OSBPL10: variants seen among roughly 807,000 people sequenced by gnomAD.
OSBPL10 encodes oxysterol binding protein like 10.
Under a neutral mutation model 81.7 loss-of-function variants are expected in OSBPL10, and 49 were observed. The observed-to-expected ratio is 0.60, with a 90% CI of 0.48 to 0.76. The LOEUF is 0.76. OSBPL10 is among the 30% of genes least tolerant of loss of function. The probability of loss-of-function intolerance (pLI) is 0.00; values close to 1 mark genes in which losing one functional copy is unlikely to be tolerated. For synonymous variants in OSBPL10, 419 were observed against 383.6 expected (o/e 1.09, Z -1.08); for missense variants, 923 against 987.8 (o/e 0.93, Z 0.88).
chr3:31,828,873 G>C (rs1296048037), intron 4 of OSBPL10, among the ~76,000 whole-genome samples: 1 of 152,114 alleles, frequency 6.6e-6, no homozygotes, highest in Non-Finnish European at 1.5e-5. Flanking sequence ...CTATTTCAAA[G>C]TAAGCATTCT....
chr3:31,946,118 T>C (rs915057085), intron 1 of OSBPL10, among the ~76,000 whole-genome samples: 19 of 152,134 alleles, frequency 1.2e-4, no homozygotes, highest in African/African-American at 4.6e-4. Context: ...GTAGCTGGGA[T>C]TACAGGCACG....
chr3:31,849,663 T>G (rs1038517345), intron 3 of OSBPL10, among the ~76,000 whole-genome samples: 1 of 152,146 alleles, frequency 6.6e-6, no homozygotes, highest in African/African-American at 2.4e-5. Context: ...TTATGACATA[T>G]GCATTCCACT....
intron 1 of OSBPL10, among the ~76,000 whole-genome samples, chr3:31,925,565 T>C (rs571457694): frequency 2.6e-5 from 4 of 152,022 alleles, no homozygotes; most frequent in South Asian, 2.1e-4. Context: ...GTAATCCCAG[T>C]ACTTTGGGAG....
chr3:32,024,720 T>A (rs970863031), intron 2 of OSBPL10, among the ~76,000 whole-genome samples: 3 of 152,072 alleles, frequency 2.0e-5, no homozygotes, highest in Non-Finnish European at 4.4e-5. Context: ...CCTGACCACC[T>A]GCCTCGGCCT....
intron 3 of OSBPL10, among the ~76,000 whole-genome samples, chr3:31,844,323 G>C (rs1187857544): frequency 6.6e-6 from 1 of 152,078 alleles, no homozygotes; most frequent in Non-Finnish European, 1.5e-5. Context: ...TTATACAAAA[G>C]AATTAAAAAC....
At chr3:31,784,388 A>T (rs1698805193) in intron 4 of OSBPL10, among the ~76,000 whole-genome samples, 1 of 151,720 alleles carries the variant, frequency 6.6e-6, no homozygotes, top group Non-Finnish European at 1.5e-5. Context: ...AGGGAAAAGG[A>T]AAAGGAAAGG....
At chr3:32,008,598 A>G (rs1399793408) in intron 2 of OSBPL10, among the ~76,000 whole-genome samples, 1 of 151,808 alleles carries the variant, frequency 6.6e-6, no homozygotes, top group South Asian at 2.1e-4. Context: ...AAACCCACAA[A>G]AGCTAGCAGA....
At chr3:31,846,767 C>T (rs1474474337) in intron 3 of OSBPL10, among the ~76,000 whole-genome samples, 3 of 127,262 alleles carry the variant, frequency 2.4e-5, no homozygotes, top group Admixed American at 9.3e-5. Context: ...ATCCCAAATG[C>T]CCCTCTCTTT....
rs115591752 is a variant in OSBPL10 at position 32,039,970 on chromosome 3, A to G, written n.298+6521T>C. On this transcript the variant is annotated intron_variant and non_coding_transcript_variant, in intron 2 of 3. Transcript: ENST00000479173. ...AATTCAACAGTACGGTAAAAGAACA[A>G]TGAATCTTGACCAAGGAAGGACATG... is the stretch of plus-strand genomic sequence containing the variant. Among the ~76,000 whole-genome samples the G allele has an allele frequency of 2.8e-3, 422 of 152,320 alleles. 3 individuals are homozygous for G. Among genetic ancestry groups the G allele is most frequent in the African/African-American group, 9.4e-3 (392 of 41,572 alleles).
chr3:31,961,379 G>C (rs1052440666), intron 1 of OSBPL10, among the ~76,000 whole-genome samples: 2 of 152,104 alleles, frequency 1.3e-5, no homozygotes, highest in Non-Finnish European at 2.9e-5. Flanking sequence ...TAGCGTCTCT[G>C]ATTTTATTTT....
intron 5 of OSBPL10, among the ~76,000 whole-genome samples, chr3:31,743,767 C>T (rs547913896): frequency 6.6e-6 from 1 of 152,300 alleles, no homozygotes; most frequent in Non-Finnish European, 1.5e-5. Context: ...TCCTGCCCAT[C>T]GAACACTGAA....
intron 6 of OSBPL10, among the ~76,000 whole-genome samples, chr3:31,711,698 G>A (rs1051131190): frequency 6.6e-6 from 1 of 152,174 alleles, no homozygotes. Context: ...CTGCGAGGAT[G>A]GGTGGAATGG....
intron 1 of OSBPL10, among the ~76,000 whole-genome samples, chr3:31,882,315 T>G (rs963386397): frequency 3.9e-5 from 6 of 152,202 alleles, no homozygotes; most frequent in Non-Finnish European, 8.8e-5. Flanking sequence ...TAACGGTATT[T>G]CTGGTTCTCA....
At chr3:31,768,552 C>CG (rs1698268602) in intron 4 of OSBPL10, among the ~76,000 whole-genome samples, 1 of 48,678 alleles carries the variant, frequency 2.1e-5, no homozygotes, top group Non-Finnish European at 3.7e-5. Flanking sequence ...AAAATAAACA[C>CG]ATGTAATTCT....
At chr3:32,026,942 T>C (rs1699421118) in intron 2 of OSBPL10, among the ~76,000 whole-genome samples, 1 of 152,216 alleles carries the variant, frequency 6.6e-6, no homozygotes, top group Non-Finnish European at 1.5e-5. Context: ...CTGTTCTCAC[T>C]CAGAGAGGAC....
chr3:31,863,124 C>A (rs1216646285), intron 3 of OSBPL10, among the ~76,000 whole-genome samples: 1 of 151,960 alleles, frequency 6.6e-6, no homozygotes, highest in South Asian at 2.1e-4. Context: ...CATGGATGAA[C>A]CTTGAAAACA....
chr3:31,934,076 TA>T (rs35397219), intron 1 of OSBPL10, among the ~76,000 whole-genome samples: 29,403 of 131,906 alleles, frequency 0.22, 3,241 homozygotes, highest in Non-Finnish European at 0.29. Flanking sequence ...CACCTCTGTT[TA>T]AAAAAAAAAA....
intron 4 of OSBPL10, among the ~76,000 whole-genome samples, chr3:31,811,319 G>A (rs1699673083): frequency 6.6e-6 from 1 of 152,210 alleles, no homozygotes; most frequent in Non-Finnish European, 1.5e-5. Flanking sequence ...TGATGAGGAA[G>A]CCTCCACCCG....
rs113963524 is a variant in OSBPL10, at chr3:31,812,816, A to AAGAGAG, written c.729+17223_729+17224insCTCTCT. On this transcript the variant is annotated intron_variant, in intron 4 of 11. Coordinates refer to ENST00000396556, the MANE Select transcript of OSBPL10 (RefSeq NM_017784.5). ...AAAGAAAGAAAGAAAGAAAGAAAGA[A>AAGAGAG]AGAGAAAGAAAGAAAGAAAGAAAGA... Among the ~76,000 whole-genome samples the AAGAGAG allele has an allele frequency of 1.2e-4, 4 of 32,424 alleles. No homozygotes were observed. In the Admixed American group the frequency reaches 1.8e-3, roughly 15 times the overall value. The allele number at this position is 32,424 out of a possible 152,430, so 21.3% of individuals were successfully genotyped here.
Sources: allele counts gnomAD v4.1 joint callset (sites outside exome capture counted in the v4.1 genomes callset), GRCh38; gene constraint gnomAD v4.1.1; transcripts MANE v1.5; gene names NCBI Gene and HGNC (gene_info 2026-07-23, HGNC 2026-07-21).